Variants in IFI30 observed in about 807,000 individuals in gnomAD.
The protein encoded by IFI30 is IFI30 lysosomal thiol reductase.
In IFI30, 26 loss-of-function variants were observed where a neutral mutation model predicts 30.1. That is an observed-to-expected ratio of 0.87 (90% CI 0.63 to 1.20). The LOEUF (loss-of-function observed/expected upper bound fraction) is 1.20, where lower values mean the gene tolerates loss of function less well. Among genes scored for constraint, IFI30 ranks in the 50% most tolerant of loss-of-function variants. IFI30 has a pLI of 0.00. For missense variants in IFI30, 296 were observed against 312.5 expected, an observed-to-expected ratio of 0.95 and a Z score of 0.40; for synonymous variants, 149 against 134.5, an observed-to-expected ratio of 1.11 and a Z score of -0.75.
In IFI30 at chr19:18,177,860, G is replaced by C; in HGVS notation, c.702G>C (p.Pro234=). The C allele has an allele frequency of 6.3e-7, 1 of 1,599,742 alleles. No individual in the cohort carries two copies. Among genetic ancestry groups the C allele is most frequent in the Non-Finnish European group, 8.5e-7 (1 of 1,173,026 alleles). The change falls in exon 7 of 7, where the codon CCG becomes CCC. Residue 234 remains proline, a synonymous_variant. Coordinates refer to ENST00000407280, the MANE Select transcript of IFI30 (RefSeq NM_006332.5). ...LVCQLYQGKK[P]DVCPSSTSSL... ...GCCTTCACCTCCAGGGCAAGAAGCC[G>C]GATGTCTGCCCTTCCTCAACCAGCT... is the stretch of plus-strand genomic sequence containing the variant.
In IFI30 at chr19:18,175,309, A is replaced by G; in HGVS notation, c.316-2A>G. 2 of 1,587,264 alleles carry G rather than the reference A, an allele frequency of 1.3e-6. No homozygotes were observed. The highest frequency in any genetic ancestry group is 1.1e-5 in the South Asian group (1 of 87,058). ...GCAGGCTCTCACCCTGCTGCCTTGC[A>G]GGAACAAAATGTCAGTGGCAGGTGG... On this transcript the variant is annotated splice_acceptor_variant, in intron 2 of 6. Transcript: ENST00000407280. LOFTEE classifies it high-confidence loss of function.
chr19:18,175,362 G>T lies in IFI30; in HGVS notation c.367G>T (p.Glu123Ter). ...WEFKCQHGEE[E>*]CKFNKVEACV... is the part of the protein sequence containing the mutation. ...GTTCAAGTGCCAGCATGGAGAAGAG[G>T]AGTGCAAATTCAACAAGGTGGAGGT... The change falls in exon 3 of 7, where the codon GAG becomes TAG. Residue 123 changes from glutamate (E) to a stop codon, truncating the protein, a stop_gained. Transcript: ENST00000407280. LOFTEE classifies it high-confidence loss of function. 1 of 1,592,928 alleles carries T rather than the reference G, an allele frequency of 6.3e-7. No individual in the cohort carries two copies. The highest frequency in any genetic ancestry group is 1.1e-5 in the South Asian group (1 of 87,698).
Position 18,177,865 on chromosome 19 carries a change from T to C in IFI30, c.707T>C (p.Val236Ala), listed in dbSNP as rs766073076. 1 of 1,599,404 alleles carries C rather than the reference T, an allele frequency of 6.3e-7. No individual in the cohort carries two copies. The highest frequency in any genetic ancestry group is 1.1e-5 in the South Asian group (1 of 88,472). The part of the protein sequence containing the change: ...CQLYQGKKPD[V>A]CPSSTSSLRS... ...CACCTCCAGGGCAAGAAGCCGGATG[T>C]CTGCCCTTCCTCAACCAGCTCCCTC... Residue 236 changes from valine (V) to alanine (A), a missense_variant, in exon 7 of 7, where the codon GTC (valine) becomes GCC (alanine). By Grantham distance (64) the Val-to-Ala change is moderately conservative. Coordinates refer to ENST00000407280, the MANE Select transcript of IFI30 (RefSeq NM_006332.5).
At chr19:18,174,906 C>G (rs1375114592) in intron 1 of IFI30, 134 bp from the exon 2 acceptor site, 1 of 657,032 alleles carries the variant, frequency 1.5e-6, no homozygotes, top group Admixed American at 3.2e-5. Flanking sequence ...AAGATTCCAC[C>G]TGGCAAGTTC....
chr19:18,176,899 G>A (rs928326831), intron 4 of IFI30, among the ~76,000 whole-genome samples: 3 of 152,268 alleles, frequency 2.0e-5, no homozygotes, highest in East Asian at 1.9e-4. Context: ...AGAGGCAGTG[G>A]GTCTGGTCTT....
At position 18,175,146 on chromosome 19, in the gene IFI30, T is replaced by G; in HGVS notation, c.239T>G (p.Ile80Ser). 1 of 1,610,896 alleles carries G rather than the reference T, an allele frequency of 6.2e-7. No individual in the cohort carries two copies. ...ALCGGCRAFL[I>S]RELFPTWLLV... ...TGCGGTGGCTGCCGAGCCTTCCTGA[T>G]CCGGGAGCTCTTCCCAACATGGCTG... The change falls in exon 2 of 7, where the codon ATC (isoleucine) becomes AGC (serine). Residue 80 changes from isoleucine (I) to serine (S), a missense_variant. By Grantham distance (142) the Ile-to-Ser change is moderately radical (BLOSUM62 -2). Transcript: ENST00000407280.
Position 18,173,984 on chromosome 19 carries a change from C to T in IFI30, c.132+11C>T, listed in dbSNP as rs745317270. The T allele has an allele frequency of 1.3e-6, 2 of 1,546,956 alleles. No homozygotes were observed. Among genetic ancestry groups the T allele is most frequent in the Non-Finnish European group, 1.7e-6 (2 of 1,144,952 alleles). ...CCAGTTAACTACAAGGTAGGGACGG[C>T]GACAGGGCGGGCAGGCTGGAGGGAA... is the stretch of plus-strand genomic sequence containing the variant. On this transcript the variant is annotated intron_variant, in intron 1 of 6. Transcript: ENST00000407280.
intron 1 of IFI30, 79 bp from the exon 2 acceptor site, chr19:18,174,961 C>G: frequency 8.5e-7 from 1 of 1,179,500 alleles, no homozygotes; most frequent in South Asian, 1.5e-5. Context: ...CCCCTTTCTA[C>G]AAGACTACCA....
chr19:18,177,423 C>T (rs1967286168), intron 5 of IFI30, 131 bp downstream of exon 5: 3 of 1,073,146 alleles, frequency 2.8e-6, no homozygotes, highest in Non-Finnish European at 1.3e-6. Context: ...CACTGCACTC[C>T]AGCCTGGGCA....
rs557190713 is a variant in IFI30, at chr19:18,177,098, G to C, written c.484-42G>C. 11 of 1,500,608 alleles carry C rather than the reference G, an allele frequency of 7.3e-6. No homozygotes were observed. The East Asian group carries it at 1.7e-4, about 24-fold the overall frequency. The allele number at this position is 1,500,608 out of a possible 1,614,324, so 93.0% of individuals were successfully genotyped here. ...TGGTGGGCGGGACCGTTGAGATAAC[G>C]GGGAGGAAGCTGAGGCAACCCCCTG... On this transcript the variant is annotated intron_variant, in intron 4 of 6. Coordinates refer to ENST00000407280, the MANE Select transcript of IFI30 (RefSeq NM_006332.5).
Position 18,173,957 on chromosome 19 carries a change from C to T in IFI30, c.116C>T (p.Pro39Leu), listed in dbSNP as rs1187362949. 6.4e-7 allele frequency: 1 copy of T among 1,551,214 alleles called. No individual in the cohort carries two copies. The highest frequency in any genetic ancestry group is 1.7e-4 in the Middle Eastern group (1 of 5,988). The change falls in exon 1 of 7, where the codon CCA becomes CTA. Residue 39 changes from proline to leucine, a missense_variant. Pro to Leu is a moderately conservative substitution (Grantham distance 98). Transcript: ENST00000407280. ...GCGTTAGACTTCTTTGGGAATGGGCCACCAGTTAACTACAAGGTAGGGACG... is the reference window on the plus strand; with the variant it reads ...GCGTTAGACTTCTTTGGGAATGGGCTACCAGTTAACTACAAGGTAGGGACG... ...LQALDFFGNG[P>L]PVNYKTGNLY...
chr19:18,175,545 G>C, intron 3 of IFI30, 60 bp from the exon 4 acceptor site: 1 of 1,485,318 alleles, frequency 6.7e-7, no homozygotes, highest in African/African-American at 1.4e-5. Flanking sequence ...TATTACGAGA[G>C]GGTGTCAGGG....
In IFI30 at chr19:18,175,291, C is replaced by G; in HGVS notation, c.316-20C>G. ...AGGGGACCCAGCCTACCAGCAGGCT[C>G]TCACCCTGCTGCCTTGCAGGAACAA... On this transcript the variant is annotated intron_variant, in intron 2 of 6. Transcript: ENST00000407280. The G allele has an allele frequency of 5.7e-6, 9 of 1,579,462 alleles. No homozygotes were observed. Among genetic ancestry groups the G allele is most frequent in the Non-Finnish European group, 7.7e-6 (9 of 1,163,332 alleles).
Position 18,178,060 on chromosome 19 carries a change from A to G in IFI30, c.*149A>G. The G allele has an allele frequency of 4.2e-6, 3 of 717,842 alleles. No homozygotes were observed. The highest frequency in any genetic ancestry group is 7.2e-6 in the Non-Finnish European group (3 of 415,210). The allele number at this position is 717,842 out of a possible 1,614,324, so 44.5% of individuals were successfully genotyped here. A position where few individuals can be genotyped will look rare whatever the true frequency, so the allele number is the denominator to read the frequency against. Reference sequence around the variant, plus strand: ...GCCCAGATACACAAAATTCCACCCCATGATCAAGAATCCTGCTCCACTAAG... The same window carrying G: ...GCCCAGATACACAAAATTCCACCCCGTGATCAAGAATCCTGCTCCACTAAG... On this transcript the variant is annotated 3_prime_UTR_variant, in exon 7 of 7. Transcript: ENST00000407280.
At position 18,175,681 on chromosome 19, in the gene IFI30, A is replaced by G. The variant is rs957676056; in HGVS notation, c.467A>G (p.Glu156Gly). The G allele has an allele frequency of 1.1e-5, 18 of 1,607,584 alleles. No homozygotes were observed. The highest frequency in any genetic ancestry group is 1.5e-5 in the Non-Finnish European group (18 of 1,177,088). The stretch of plus-strand genomic sequence containing the variant: ...TGCATGGAAGAGTTTGAGGACATGG[A>G]GAGAAGTCTGCCACTAGTGAGTGAC... ...IVCMEEFEDM[E>G]RSLPLCLQLY... The change falls in exon 4 of 7, where the codon GAG (glutamate) becomes GGG (glycine). Residue 156 changes from glutamate (E) to glycine (G), a missense_variant. By Grantham distance (98) the Glu-to-Gly change is moderately conservative. Transcript: ENST00000407280.
intron 6 of IFI30, 36 bp from the exon 7 acceptor site, chr19:18,177,813 C>T (rs771126518): frequency 5.0e-6 from 8 of 1,608,880 alleles, no homozygotes; most frequent in Middle Eastern, 3.3e-4. Context: ...GGTAGGGTCT[C>T]CTTCCAGGAC....
rs369889024 is a variant in IFI30, at chr19:18,175,225, G to A, written c.315+3G>A. ...TGGTGCCCTACGGAAACGCACAGGTGTGTGGGCGCTGGGGAAACTGAGGCA... is the reference window on the plus strand; with the variant it reads ...TGGTGCCCTACGGAAACGCACAGGTATGTGGGCGCTGGGGAAACTGAGGCA... On this transcript the variant is annotated splice_donor_region_variant and intron_variant, in intron 2 of 6. Coordinates refer to ENST00000407280, the MANE Select transcript of IFI30 (RefSeq NM_006332.5). 1.0e-5 allele frequency: 16 copies of A among 1,579,848 alleles called. No individual in the cohort carries two copies. Among genetic ancestry groups the A allele is most frequent in the Non-Finnish European group, 1.4e-5 (16 of 1,163,368 alleles).
intron 1 of IFI30, 90 bp from the exon 2 acceptor site, chr19:18,174,950 C>A (rs1967248240): frequency 2.0e-6 from 2 of 1,022,288 alleles, no homozygotes; most frequent in Non-Finnish European, 2.9e-6. Context: ...CGTATCACAG[C>A]CCCCTTTCTA....
chr19:18,176,120 C>T (rs1220908078), intron 4 of IFI30, among the ~76,000 whole-genome samples: 9 of 125,052 alleles, frequency 7.2e-5, no homozygotes, highest in South Asian at 5.7e-4. Context: ...GGATTACAGG[C>T]GTGAGCCACC....
Sources: allele counts gnomAD v4.1 joint callset (sites outside exome capture counted in the v4.1 genomes callset), GRCh38; gene constraint gnomAD v4.1.1; transcripts MANE v1.5; gene names NCBI Gene and HGNC (gene_info 2026-07-23, HGNC 2026-07-21).